Variants in ACOT12 observed in about 807,000 individuals in gnomAD.
ACOT12 encodes the protein acyl-CoA thioesterase 12.
ACOT12 carries 51 observed loss-of-function variants against 67.7 expected under a neutral mutation model. The ratio of observed to expected loss-of-function variants is 0.75; its 90% confidence interval spans 0.60 to 0.95. The LOEUF (loss-of-function observed/expected upper bound fraction) is 0.95, where lower values mean the gene tolerates loss of function less well. Among genes scored for constraint, ACOT12 ranks in the 40% least tolerant of loss-of-function variants. The pLI is 0.00. For missense variants in ACOT12, 734 were observed against 708.1 expected (o/e 1.04, Z -0.41); for synonymous variants, 251 against 244.6 (o/e 1.03, Z -0.24).
chr5:81,364,238 GAT>G (rs1286561880), intron 3 of ACOT12, among the ~76,000 whole-genome samples: 2 of 150,078 alleles, frequency 1.3e-5, no homozygotes, highest in Non-Finnish European at 3.0e-5. Flanking sequence ...AAGTGTATAT[GAT>G]ATATATGATG....
Position 81,342,701 on chromosome 5 carries a change from C to A in ACOT12, c.1099G>T (p.Gly367Cys), listed in dbSNP as rs1266555677. 1.2e-6 allele frequency: 2 copies of A among 1,614,044 alleles called. No individual in the cohort carries two copies. The highest frequency in any genetic ancestry group is 2.2e-5 in the East Asian group (1 of 44,884). Residue 367 changes from glycine to cysteine, a missense_variant, in exon 11 of 15, where the codon GGT (glycine) becomes TGT (cysteine). Transcript: ENST00000307624. ...EALKKLAAKR[G>C]WEVTSTVEKI... ...TCCACAGTGCTGGTAACCTCCCAACCCCTTTTGGCTGCCAGTTTTTTGAGG... is the reference window on the plus strand; with the variant it reads ...TCCACAGTGCTGGTAACCTCCCAACACCTTTTGGCTGCCAGTTTTTTGAGG...
intron 2 of ACOT12, among the ~76,000 whole-genome samples, chr5:81,381,689 T>G (rs1377638262): frequency 6.6e-6 from 1 of 151,780 alleles, no homozygotes; most frequent in Non-Finnish European, 1.5e-5. Context: ...AGACAGAAGG[T>G]AGGGAGGAGC....
chr5:81,364,192 T>C (rs1419061529), intron 3 of ACOT12, among the ~76,000 whole-genome samples: 1 of 151,324 alleles, frequency 6.6e-6, no homozygotes, highest in East Asian at 1.9e-4. Context: ...AGGTGAATTT[T>C]CTTCTAGCTT....
intron 2 of ACOT12, among the ~76,000 whole-genome samples, chr5:81,372,810 G>A (rs1160052811): frequency 6.6e-6 from 1 of 152,050 alleles, no homozygotes; most frequent in East Asian, 1.9e-4. Flanking sequence ...GAGTAGTCCT[G>A]GCATTAAGCC....
chr5:81,348,695 G>A (rs1054862992), intron 5 of ACOT12, among the ~76,000 whole-genome samples: 2 of 152,186 alleles, frequency 1.3e-5, no homozygotes, highest in African/African-American at 4.8e-5. Context: ...CTCCCGAGTA[G>A]CTGGGCTTAC....
At chr5:81,339,531 C>T (rs1414534285) in intron 11 of ACOT12, among the ~76,000 whole-genome samples, 3 of 152,200 alleles carry the variant, frequency 2.0e-5, no homozygotes, top group Non-Finnish European at 2.9e-5. Context: ...AGCCCTATTT[C>T]TCCCTCAGCA....
chr5:81,334,247 T>A (rs1366402131), intron 12 of ACOT12, among the ~76,000 whole-genome samples: 2 of 152,142 alleles, frequency 1.3e-5, no homozygotes, highest in African/African-American at 2.4e-5. Flanking sequence ...CAGAAAGCCC[T>A]CTGTTCTTGC....
chr5:81,324,469 G>A, the ACOT12 span, among the ~76,000 whole-genome samples: 1 of 152,156 alleles, frequency 6.6e-6, no homozygotes, highest in African/African-American at 2.4e-5. Context: ...TACCAAATAA[G>A]TACTTAAGTA....
At chr5:81,375,215 C>G (rs1391555244) in intron 2 of ACOT12, among the ~76,000 whole-genome samples, 1 of 152,198 alleles carries the variant, frequency 6.6e-6, no homozygotes, top group African/African-American at 2.4e-5. Flanking sequence ...GAATTTTCAA[C>G]CCGGAATTTC....
rs1561330223 is a variant in ACOT12 at position 81,347,873 on chromosome 5, C to T, written c.554G>A (p.Ser185Asn). Reference sequence around the variant, plus strand: ...ATGGGGTGGGAGGACCAGTTCAATGCTCTGAACGGAGGTGCCCCTTGTGGA... The same window carrying T: ...ATGGGGTGGGAGGACCAGTTCAATGTTCTGAACGGAGGTGCCCCTTGTGGA... ...AVSTRGTSVQ[S>N]IELVLPPHAN... The change falls in exon 6 of 15, where the codon AGC becomes AAC. Residue 185 changes from serine to asparagine, a missense_variant. Coordinates refer to ENST00000307624, the MANE Select transcript of ACOT12 (RefSeq NM_130767.3). 6.2e-7 allele frequency: 1 copy of T among 1,614,182 alleles called. No individual in the cohort carries two copies. The highest frequency in any genetic ancestry group is 8.5e-7 in the Non-Finnish European group (1 of 1,180,022).
intron 6 of ACOT12, 109 bp downstream of exon 6, chr5:81,347,665 C>A: frequency 8.1e-7 from 1 of 1,232,246 alleles, no homozygotes; most frequent in Non-Finnish European, 1.1e-6. Flanking sequence ...CAACATTTTC[C>A]TCAGTCCTTT....
chr5:81,381,989 G>A lies in ACOT12; in HGVS notation c.197+3768C>T, dbSNP rs188734617. Reference sequence around the variant, plus strand: ...CTACTTTCTCTATTCATTTGTTAGTGATAATATTGGTACTGTTATTCTGAA... The same window carrying A: ...CTACTTTCTCTATTCATTTGTTAGTAATAATATTGGTACTGTTATTCTGAA... On this transcript the variant is annotated intron_variant, in intron 2 of 14. Transcript: ENST00000307624. Among the ~76,000 whole-genome samples the A allele has an allele frequency of 3.9e-5, 6 of 152,206 alleles. No homozygotes were observed. The East Asian group carries it at 1.2e-3, about 29-fold the overall frequency.
chr5:81,321,211 G>A, the ACOT12 span, among the ~76,000 whole-genome samples: 16 of 152,070 alleles, frequency 1.1e-4, no homozygotes, highest in Admixed American at 7.9e-4. Context: ...AGCTAAGATC[G>A]CACCACTGTA....
intron 2 of ACOT12, 120 bp from the exon 3 acceptor site, chr5:81,371,930 C>A: frequency 1.2e-6 from 1 of 828,442 alleles, no homozygotes; most frequent in Non-Finnish European, 1.9e-6. Context: ...TGATAATTTT[C>A]ATGCATGCGA....
chr5:81,335,690 G>T, intron 12 of ACOT12, 78 bp downstream of exon 12: 1 of 1,474,210 alleles, frequency 6.8e-7, no homozygotes, highest in Non-Finnish European at 9.3e-7. Context: ...TTGGACGATG[G>T]AGATGGACTT....
At chr5:81,337,773 T>C (rs1042924768) in intron 11 of ACOT12, among the ~76,000 whole-genome samples, 1 of 152,228 alleles carries the variant, frequency 6.6e-6, no homozygotes, top group Non-Finnish European at 1.5e-5. Flanking sequence ...AATAGATTTC[T>C]AATGTGTCCA....
intron 6 of ACOT12, 123 bp downstream of exon 6, chr5:81,347,651 A>C (rs1178392185): frequency 1.9e-6 from 2 of 1,079,616 alleles, no homozygotes; most frequent in African/African-American, 3.2e-5. Flanking sequence ...ATCATTATAA[A>C]AGGCAACATT....
chr5:81,312,505 C>G, the ACOT12 span: 1 of 1,514,140 alleles, frequency 6.6e-7, no homozygotes, highest in Non-Finnish European at 9.1e-7. Flanking sequence ...CATTTGATTA[C>G]TGTTTTTCTA....
At chr5:81,316,525 T>G in the ACOT12 span, among the ~76,000 whole-genome samples, 1 of 152,250 alleles carries the variant, frequency 6.6e-6, no homozygotes, top group Admixed American at 6.5e-5. Flanking sequence ...TTTGGGTGTT[T>G]GCCACTTTTT....
Sources: allele counts gnomAD v4.1 joint callset (sites outside exome capture counted in the v4.1 genomes callset), GRCh38; gene constraint gnomAD v4.1.1; transcripts MANE v1.5; gene names NCBI Gene and HGNC (gene_info 2026-07-23, HGNC 2026-07-21).